Variants in DNM1L observed in about 807,000 individuals in gnomAD.
DNM1L encodes the protein dynamin 1L.
Under a neutral mutation model 92.8 loss-of-function variants are expected in DNM1L, and 33 were observed. The ratio of observed to expected loss-of-function variants is 0.36; its 90% CI spans 0.27 to 0.48. The LOEUF is 0.48. Ranked by LOEUF, DNM1L falls within the 20% of genes least tolerant of loss-of-function variation. The pLI is 0.99. For missense variants in DNM1L, 485 were observed against 888.8 expected, an observed-to-expected ratio of 0.55 and a Z score of 5.78; for synonymous variants, 284 against 305.0, an observed-to-expected ratio of 0.93 and a Z score of 0.72.
intron 1 of DNM1L, 191 bp downstream of exon 1, chr12:32,679,656 A>G: frequency 7.0e-6 from 9 of 1,292,032 alleles, no homozygotes; most frequent in Non-Finnish European, 8.8e-6. Context: ...GCAGCGTTGC[A>G]TCAAGGCGGA....
At chr12:32,701,371 G>A (rs758818302) in intron 1 of DNM1L, 44 bp from the exon 2 acceptor site, 39 of 1,575,342 alleles carry the variant, frequency 2.5e-5, no homozygotes, top group Admixed American at 3.4e-5. Context: ...AACAAAAAAT[G>A]TGTTAAGAAA....
At chr12:32,726,713 C>T (rs1449047701) in intron 9 of DNM1L, 3 of 637,700 alleles carry the variant, frequency 4.7e-6, no homozygotes, top group Non-Finnish European at 8.5e-6. Context: ...TCCCATGTCC[C>T]TAGTGTTTCT....
chr12:32,740,531 T>C lies in DNM1L; in HGVS notation c.1994+13T>C. The C allele has an allele frequency of 6.3e-7, 1 of 1,589,712 alleles. No homozygotes were observed. The highest frequency in any genetic ancestry group is 1.1e-5 in the South Asian group (1 of 89,852). ...ATATTCAAGACAGGTTAGTATTACT[T>C]AATATAAATGACGGACTTTAATACT... On this transcript the variant is annotated intron_variant, in intron 18 of 19. Coordinates refer to ENST00000549701, the MANE Select transcript of DNM1L (RefSeq NM_012062.5).
At position 32,742,395 on chromosome 12, in the gene DNM1L, C is replaced by A. The variant is rs550467393; in HGVS notation, c.1995-194C>A. Among the ~76,000 whole-genome samples, 227 of 152,316 alleles carry A rather than the reference C, an allele frequency of 1.5e-3. 1 individual carries two copies. The highest frequency in any genetic ancestry group is 5.3e-3 in the African/African-American group (221 of 41,560). On this transcript the variant is annotated intron_variant, in intron 18 of 19. Transcript: ENST00000549701. ...CTGGGATTACAGGCATGAGCCACTG[C>A]GCCTGGCCGAGAACTGCTTTTCTTA...
chr12:32,738,241 T>A (rs1180938644), intron 15 of DNM1L, 23 bp from the exon 16 acceptor site: 1 of 1,612,972 alleles, frequency 6.2e-7, no homozygotes, highest in East Asian at 2.2e-5. Context: ...TTAAATTGCA[T>A]GTTTTAACAT....
At chr12:32,742,036 T>C (rs182188544) in intron 18 of DNM1L, among the ~76,000 whole-genome samples, 1 of 152,310 alleles carries the variant, frequency 6.6e-6, no homozygotes, top group East Asian at 1.9e-4. Context: ...TTGGCTATTA[T>C]GAATAAATGC....
intron 2 of DNM1L, chr12:32,705,912 A>C: frequency 1.3e-6 from 2 of 1,521,558 alleles, no homozygotes; most frequent in Non-Finnish European, 1.8e-6. Flanking sequence ...TTATGCCTGC[A>C]TGTGTGCTTA....
chr12:32,707,589 T>C (rs1279755926), intron 3 of DNM1L, among the ~76,000 whole-genome samples, 176 bp downstream of exon 3: 1 of 152,176 alleles, frequency 6.6e-6, no homozygotes, highest in Non-Finnish European at 1.5e-5. Context: ...GGAAAACACT[T>C]GAAATTGAGG....
intron 9 of DNM1L, among the ~76,000 whole-genome samples, chr12:32,726,175 A>G (rs1565528303): frequency 6.6e-6 from 1 of 152,220 alleles, no homozygotes; most frequent in Non-Finnish European, 1.5e-5. Context: ...CATGTGTGAC[A>G]GAATTTGTGC....
rs1212440684 is a variant in DNM1L, at chr12:32,743,851, T to TGAAAGATGTGAGTTG, written c.*443_*457dup. ...TGTACTATATAAGCTGATCTGGCTT[T>TGAAAGATGTGAGTTG]GAAAGATGTGAGTTGGCAAGTTCCT... On this transcript the variant is annotated 3_prime_UTR_variant, in exon 20 of 20. Transcript: ENST00000549701. The TGAAAGATGTGAGTTG allele has an allele frequency of 6.2e-6, 1 of 160,792 alleles. No individual in the cohort carries two copies. The highest frequency in any genetic ancestry group is 1.4e-5 in the Non-Finnish European group (1 of 72,912). 10.0% of individuals were successfully genotyped at this position (160,792 alleles called of 1,614,324 possible).
At chr12:32,703,678 G>A (rs796720173) in intron 2 of DNM1L, among the ~76,000 whole-genome samples, 3 of 151,258 alleles carry the variant, frequency 2.0e-5, no homozygotes, top group African/African-American at 7.3e-5. Flanking sequence ...TTTAGCCAGT[G>A]AAGGCTTAGT....
chr12:32,736,067 CTTTTTT>C (rs773591822), intron 13 of DNM1L, among the ~76,000 whole-genome samples: 4 of 113,046 alleles, frequency 3.5e-5, no homozygotes, highest in Non-Finnish European at 5.2e-5. Context: ...TCTTCATAAT[CTTTTTT>C]TTTTTTTTTT....
intron 1 of DNM1L, among the ~76,000 whole-genome samples, chr12:32,699,566 C>T (rs1448349001): frequency 4.6e-5 from 7 of 151,982 alleles, no homozygotes; most frequent in African/African-American, 1.7e-4. Context: ...GAGGCTGAGG[C>T]GGGCGGATCA....
At position 32,743,734 on chromosome 12, in the gene DNM1L, T is replaced by C. The variant is rs1166067599; in HGVS notation, c.*324T>C. The C allele has an allele frequency of 5.9e-6, 2 of 338,074 alleles. No individual in the cohort carries two copies. Among genetic ancestry groups the C allele is most frequent in the African/African-American group, 4.2e-5 (2 of 47,818 alleles). 20.9% of individuals were successfully genotyped at this position (338,074 alleles called of 1,614,324 possible). ...CAGTTTGCCTGTGGATAAGATGACCTGTGTAATAATCTTTGTTAGTAGTCT... is the reference window on the plus strand; with the variant it reads ...CAGTTTGCCTGTGGATAAGATGACCCGTGTAATAATCTTTGTTAGTAGTCT... On this transcript the variant is annotated 3_prime_UTR_variant, in exon 20 of 20. Coordinates refer to ENST00000549701, the MANE Select transcript of DNM1L (RefSeq NM_012062.5).
Position 32,743,748 on chromosome 12 carries a change from T to C in DNM1L, c.*338T>C. 2 of 308,042 alleles carry C rather than the reference T, an allele frequency of 6.5e-6. No individual in the cohort carries two copies. The highest frequency in any genetic ancestry group is 8.6e-5 in the South Asian group (2 of 23,276). The allele number at this position is 308,042 out of a possible 1,614,324, so 19.1% of individuals were successfully genotyped here. On this transcript the variant is annotated 3_prime_UTR_variant, in exon 20 of 20. Transcript: ENST00000549701. ...ATAAGATGACCTGTGTAATAATCTTTGTTAGTAGTCTTAAAGCTGCTGCCA... is the reference window on the plus strand; with the variant it reads ...ATAAGATGACCTGTGTAATAATCTTCGTTAGTAGTCTTAAAGCTGCTGCCA...
At chr12:32,733,056 C>T (rs1423124659) in intron 12 of DNM1L, among the ~76,000 whole-genome samples, 4 of 152,194 alleles carry the variant, frequency 2.6e-5, no homozygotes, top group African/African-American at 9.6e-5. Flanking sequence ...GCCGAGATCG[C>T]GCCATTGCAC....
chr12:32,700,212 CGGGTTCA>C (rs1421474881), intron 1 of DNM1L, among the ~76,000 whole-genome samples: 1 of 151,956 alleles, frequency 6.6e-6, no homozygotes, highest in Non-Finnish European at 1.5e-5. Context: ...CTCCACCTCC[CGGGTTCA>C]AGCAATTCTC....
At chr12:32,737,411 T>C in intron 14 of DNM1L, 1 of 469,816 alleles carries the variant, frequency 2.1e-6, no homozygotes, top group East Asian at 3.8e-5. Context: ...AGCATCAAGC[T>C]TTTTAAAAAA....
intron 1 of DNM1L, among the ~76,000 whole-genome samples, chr12:32,692,204 T>C (rs1179452616): frequency 6.6e-6 from 1 of 152,224 alleles, no homozygotes; most frequent in Non-Finnish European, 1.5e-5. Context: ...AAGATTTACA[T>C]TTAAGCAAAA....
Sources: allele counts gnomAD v4.1 joint callset (sites outside exome capture counted in the v4.1 genomes callset), GRCh38; gene constraint gnomAD v4.1.1; transcripts MANE v1.5; gene names NCBI Gene and HGNC (gene_info 2026-07-23, HGNC 2026-07-21).